Variants in MACF1 observed in about 807,000 individuals in gnomAD.
MACF1 encodes microtubule actin crosslinking factor 1.
Under a neutral mutation model 854.8 loss-of-function variants are expected in MACF1, and 193 were observed. The ratio of observed to expected loss-of-function variants is 0.23; its 90% CI spans 0.20 to 0.25. The LOEUF (loss-of-function observed/expected upper bound fraction) is 0.25, where lower values mean the gene tolerates loss of function less well. Ranked by LOEUF, MACF1 falls within the 10% of genes least tolerant of loss-of-function variation. The pLI is 1.00. For synonymous variants in MACF1, 3,185 were observed against 3,226.7 expected, an observed-to-expected ratio of 0.99 and a Z score of 0.44; for missense variants, 7,722 against 8,929.1, an observed-to-expected ratio of 0.86 and a Z score of 5.45.
At chr1:39,218,279 T>C (rs949116533) in intron 1 of MACF1, among the ~76,000 whole-genome samples, 1 of 151,942 alleles carries the variant, frequency 6.6e-6, no homozygotes, top group African/African-American at 2.4e-5. Flanking sequence ...CCTCATTTTA[T>C]TTGCAGAGTT....
intron 79 of MACF1, 42 bp downstream of exon 79, chr1:39,443,616 T>A (rs1485443130): frequency 7.1e-6 from 11 of 1,554,918 alleles, no homozygotes; most frequent in Non-Finnish European, 8.7e-6. Context: ...CATCCCATAT[T>A]CACTAGCTCC....
chr1:39,337,600 C>G (rs1290408010), intron 38 of MACF1, among the ~76,000 whole-genome samples: 4 of 115,800 alleles, frequency 3.5e-5, no homozygotes, highest in Non-Finnish European at 6.6e-5. Flanking sequence ...GAGTCTTGCT[C>G]TGTCACCCAG....
At chr1:39,390,740 T>G (rs1641999405) in intron 58 of MACF1, among the ~76,000 whole-genome samples, 1 of 152,184 alleles carries the variant, frequency 6.6e-6, no homozygotes, top group Non-Finnish European at 1.5e-5. Flanking sequence ...TCCAGGCTAT[T>G]TAGAATTAAC....
rs1386716881 is a variant in MACF1, at chr1:39,085,455, T to G, written c.220+1017T>G. Among the ~76,000 whole-genome samples, 3 of 152,172 alleles carry G rather than the reference T, an allele frequency of 2.0e-5. No homozygotes were observed. The East Asian group carries it at 5.8e-4, about 29-fold the overall frequency. ...CGTCACCAAGGCCTGTACTGCTACCTTCTTTGTGTCCCTCAAATAATACAG... is the reference window on the plus strand; with the variant it reads ...CGTCACCAAGGCCTGTACTGCTACCGTCTTTGTGTCCCTCAAATAATACAG... On this transcript the variant is annotated intron_variant, in intron 2 of 93. Coordinates refer to the MACF1 transcript ENST00000361689.
intron 58 of MACF1, among the ~76,000 whole-genome samples, chr1:39,391,494 C>T (rs1226875274): frequency 6.6e-6 from 1 of 152,204 alleles, no homozygotes; most frequent in Non-Finnish European, 1.5e-5. Context: ...ACTGCTATCA[C>T]TTTTCACTGC....
intron 2 of MACF1, among the ~76,000 whole-genome samples, chr1:39,127,410 CTG>C (rs1642886525): frequency 6.6e-6 from 1 of 152,170 alleles, no homozygotes; most frequent in Non-Finnish European, 1.5e-5. Flanking sequence ...CAGGAATGGA[CTG>C]TGTTAAGCAC....
Position 39,161,063 on chromosome 1 carries a change from C to G in MACF1, c.221-70119C>G, listed in dbSNP as rs540054254. On this transcript the variant is annotated intron_variant, in intron 2 of 93. Coordinates refer to the MACF1 transcript ENST00000361689. ...TTTTGAAGTTCTGATCCCCAAATTCCTATGAATTTTTGGTGTTTTGATCCA... is the reference window on the plus strand; with the variant it reads ...TTTTGAAGTTCTGATCCCCAAATTCGTATGAATTTTTGGTGTTTTGATCCA... Among the ~76,000 whole-genome samples the G allele has an allele frequency of 2.6e-5, 4 of 152,262 alleles. No individual in the cohort carries two copies. In the South Asian group the frequency reaches 6.2e-4, roughly 24 times the overall value.
intron 23 of MACF1, among the ~76,000 whole-genome samples, chr1:39,305,254 C>G (rs1043146297): frequency 3.0e-5 from 4 of 132,948 alleles, no homozygotes; most frequent in African/African-American, 1.1e-4. Flanking sequence ...GAGTGAGACT[C>G]TGTCTCAAAA....
chr1:39,112,554 C>T (rs1425489352), intron 2 of MACF1, among the ~76,000 whole-genome samples: 2 of 151,990 alleles, frequency 1.3e-5, no homozygotes, highest in Non-Finnish European at 2.9e-5. Context: ...GGTGCAATCC[C>T]GTGGTCCCAG....
At chr1:39,180,977 T>G (rs1644097880) in intron 2 of MACF1, among the ~76,000 whole-genome samples, 1 of 152,198 alleles carries the variant, frequency 6.6e-6, no homozygotes. Context: ...CCCATCTCTG[T>G]TCACTGCAGC....
chr1:39,201,644 G>A (rs1216327657), upstream of MACF1, among the ~76,000 whole-genome samples: 2 of 151,990 alleles, frequency 1.3e-5, no homozygotes, highest in African/African-American at 2.4e-5. Context: ...GATTCACCGC[G>A]CCAGGCTGAG....
At chr1:39,313,823 C>T (rs942196773) in intron 26 of MACF1, among the ~76,000 whole-genome samples, 3 of 151,996 alleles carry the variant, frequency 2.0e-5, no homozygotes, top group South Asian at 2.1e-4. Context: ...CTATATTACC[C>T]AGGCTGGTCT....
chr1:39,325,565 G>A (rs888808758), intron 35 of MACF1, among the ~76,000 whole-genome samples: 3 of 152,174 alleles, frequency 2.0e-5, no homozygotes, highest in African/African-American at 4.8e-5. Flanking sequence ...CTATGTTTTC[G>A]AGTAAGTCTC....
rs770224115 is a variant in MACF1, at chr1:39,254,398, C to T, written c.435+23C>T. 3.7e-6 allele frequency: 6 copies of T among 1,608,422 alleles called. No individual in the cohort carries two copies. The Admixed American group carries it at 8.3e-5, about 22-fold the overall frequency. Reference sequence around the variant, plus strand: ...CAGGTAAGACCATCACATGCCTTCCCCATTCTTCCAGGCTGTGTTGGCATT... The same window carrying T: ...CAGGTAAGACCATCACATGCCTTCCTCATTCTTCCAGGCTGTGTTGGCATT... On this transcript the variant is annotated intron_variant, in intron 5 of 100. Transcript: ENST00000564288.
At position 39,378,379 on chromosome 1, in the gene MACF1, G is replaced by A. The variant is rs1649894555; in HGVS notation, c.13214-82G>A. The A allele has an allele frequency of 9.5e-6, 9 of 947,922 alleles. No homozygotes were observed. The Admixed American group carries it at 1.2e-4, about 13-fold the overall frequency. 58.7% of individuals were successfully genotyped at this position (947,922 alleles called of 1,614,324 possible). On this transcript the variant is annotated intron_variant, in intron 52 of 100. Transcript: ENST00000564288. Reference sequence around the variant, plus strand: ...TTCCTGATACCTAAGCTTAAAGTGAGGGCCAAAGGACAAATTCAGTGCCTA... The same window carrying A: ...TTCCTGATACCTAAGCTTAAAGTGAAGGCCAAAGGACAAATTCAGTGCCTA...
intron 2 of MACF1, among the ~76,000 whole-genome samples, chr1:39,197,411 C>T (rs1428774461): frequency 3.3e-5 from 5 of 152,202 alleles, no homozygotes; most frequent in South Asian, 2.1e-4. Flanking sequence ...TATTTGAGTA[C>T]TTTGGATTTT....
intron 88 of MACF1, 88 bp downstream of exon 88, chr1:39,453,938 C>A: frequency 7.0e-7 from 1 of 1,438,678 alleles, no homozygotes; most frequent in Non-Finnish European, 9.5e-7. Context: ...GGTAAGGAAT[C>A]TTTCACTCAC....
intron 58 of MACF1, among the ~76,000 whole-genome samples, chr1:39,396,934 G>A (rs935957995): frequency 1.3e-5 from 2 of 152,164 alleles, no homozygotes; most frequent in Non-Finnish European, 2.9e-5. Context: ...TTTCAACTAC[G>A]AGTCTCTCTT....
chr1:39,343,027 A>AC (rs1204807607), intron 40 of MACF1, among the ~76,000 whole-genome samples: 4 of 152,014 alleles, frequency 2.6e-5, no homozygotes, highest in East Asian at 1.9e-4. Flanking sequence ...CAGTTTGTTG[A>AC]CCCCCCTGCT....
Sources: allele counts gnomAD v4.1 joint callset (sites outside exome capture counted in the v4.1 genomes callset), GRCh38; gene constraint gnomAD v4.1.1; transcripts MANE v1.5; gene names NCBI Gene and HGNC (gene_info 2026-07-23, HGNC 2026-07-21).